CHD9: variants seen among roughly 807,000 people sequenced by gnomAD.
CHD9 encodes the protein ATP-dependent chromatin remodeler CHD9.
CHD9 carries 77 observed loss-of-function variants against 316.1 expected under a neutral mutation model. The observed-to-expected ratio is 0.24, with a 90% CI of 0.20 to 0.29. CHD9 has a LOEUF of 0.29. Among genes scored for constraint, CHD9 ranks in the 10% least tolerant of loss-of-function variants. CHD9 has a pLI of 1.00. For synonymous variants in CHD9, 1,129 were observed against 1,158.3 expected (o/e 0.97, Z 0.51); for missense variants, 2,763 against 3,438.1 (o/e 0.80, Z 4.91).
intron 1 of CHD9, among the ~76,000 whole-genome samples, chr16:53,084,896 C>T (rs1172792269): frequency 6.6e-6 from 1 of 152,222 alleles, no homozygotes; most frequent in African/African-American, 2.4e-5. Context: ...TGTCCACACC[C>T]TCTACCATAC....
chr16:53,151,629 C>T (rs1020301906), intron 1 of CHD9, among the ~76,000 whole-genome samples: 6 of 152,120 alleles, frequency 3.9e-5, no homozygotes, highest in African/African-American at 1.2e-4. Flanking sequence ...TTCAAGTCTT[C>T]AAGTTTGCTG....
intron 24 of CHD9, among the ~76,000 whole-genome samples, chr16:53,282,076 C>A (rs919877950): frequency 1.3e-5 from 2 of 152,134 alleles, no homozygotes. Context: ...CTGACTGGAT[C>A]TGATCCACTT....
intron 19 of CHD9, among the ~76,000 whole-genome samples, chr16:53,260,387 G>A (rs1411886071): frequency 6.6e-6 from 1 of 152,168 alleles, no homozygotes; most frequent in East Asian, 1.9e-4. Flanking sequence ...GCTGAGGCAG[G>A]AGGATTGTTT....
chr16:53,315,126 C>A, intron 36 of CHD9, 82 bp downstream of exon 36: 1 of 984,196 alleles, frequency 1.0e-6, no homozygotes. Flanking sequence ...AATTCTCATC[C>A]ACTTATGCTA....
At chr16:53,161,339 G>A (rs1304424984) in intron 2 of CHD9, among the ~76,000 whole-genome samples, 2 of 152,134 alleles carry the variant, frequency 1.3e-5, no homozygotes, top group African/African-American at 4.8e-5. Context: ...ACAGAGCATA[G>A]ACTTTTTTAC....
chr16:53,073,603 G>A (rs547821094), intron 1 of CHD9, among the ~76,000 whole-genome samples: 23 of 152,266 alleles, frequency 1.5e-4, no homozygotes, highest in African/African-American at 5.1e-4. Context: ...TGGTGGGAGC[G>A]GCCCAGTTGG....
At chr16:53,312,250 A>G (rs1178025239) in intron 34 of CHD9, among the ~76,000 whole-genome samples, 1 of 152,228 alleles carries the variant, frequency 6.6e-6, no homozygotes, top group Admixed American at 6.5e-5. Context: ...GTAGGACACT[A>G]TCTCTTCCTT....
At chr16:53,242,706 G>T in intron 12 of CHD9, 134 bp from the exon 13 acceptor site, 1 of 710,692 alleles carries the variant, frequency 1.4e-6, no homozygotes, top group Admixed American at 2.6e-5. Flanking sequence ...AGTTTTCATT[G>T]TAAGGGAGTG....
intron 22 of CHD9, among the ~76,000 whole-genome samples, chr16:53,272,391 G>A (rs2052360620): frequency 6.6e-6 from 1 of 151,808 alleles, no homozygotes; most frequent in South Asian, 2.1e-4. Context: ...AGGAAAAATG[G>A]ACAAACCCAT....
rs1031072201 is a variant in CHD9 at position 53,156,134 on chromosome 16, T to G, written c.45T>G (p.Phe15Leu). Residue 15 changes from phenylalanine (F) to leucine (L), a missense_variant, in exon 2 of 39, where the codon TTT becomes TTG. This residue lies in a region of CHD9 where 859 missense variants were observed against 890.4 expected (regional missense o/e 0.96). Transcript: ENST00000447540. ...MMDFFDDANL[F>L]GETLEGLSDD... ...ACTTTTTTGATGATGCCAATCTTTT[T>G]GGTGAGACCTTAGAAGGTTTGTCAG... The G allele has an allele frequency of 6.2e-7, 1 of 1,613,668 alleles. No individual in the cohort carries two copies. The highest frequency in any genetic ancestry group is 8.5e-7 in the Non-Finnish European group (1 of 1,179,780).
intron 1 of CHD9, among the ~76,000 whole-genome samples, chr16:53,075,371 C>T (rs1246178404): frequency 6.6e-6 from 1 of 151,972 alleles, no homozygotes; most frequent in East Asian, 1.9e-4. Context: ...CTTTGGGGGA[C>T]TATTGGGAAG....
At chr16:53,178,154 T>G (rs1259845294) in intron 2 of CHD9, among the ~76,000 whole-genome samples, 1 of 152,152 alleles carries the variant, frequency 6.6e-6, no homozygotes, top group African/African-American at 2.4e-5. Context: ...TGATATATCC[T>G]TTTGACCCCA....
At chr16:53,235,660 T>A (rs571852595) in intron 11 of CHD9, among the ~76,000 whole-genome samples, 1 of 152,270 alleles carries the variant, frequency 6.6e-6, no homozygotes, top group East Asian at 1.9e-4. Flanking sequence ...ATGAGCAAGG[T>A]ATACTTATAG....
intron 4 of CHD9, among the ~76,000 whole-genome samples, chr16:53,223,740 T>C (rs1407833697): frequency 1.3e-5 from 2 of 152,150 alleles, no homozygotes; most frequent in Non-Finnish European, 2.9e-5. Context: ...TTAGGTTGTT[T>C]TGACAGGTGT....
At chr16:53,291,091 A>G (rs2054293734) in intron 27 of CHD9, among the ~76,000 whole-genome samples, 1 of 152,200 alleles carries the variant, frequency 6.6e-6, no homozygotes. Context: ...GAAATTGAAG[A>G]TACACCAAAC....
intron 19 of CHD9, among the ~76,000 whole-genome samples, chr16:53,261,310 C>G (rs34505016): frequency 1.4e-5 from 2 of 143,416 alleles, no homozygotes; most frequent in African/African-American, 5.2e-5. Flanking sequence ...TGAACAGAAT[C>G]TGAAGTTCAG....
chr16:53,171,795 T>A (rs1224904836), intron 2 of CHD9, among the ~76,000 whole-genome samples: 1 of 148,702 alleles, frequency 6.7e-6, no homozygotes, highest in East Asian at 2.0e-4. Context: ...GGGTTGCAGG[T>A]GACAGAGGGA....
At chr16:53,184,349 G>A (rs2043804452) in intron 2 of CHD9, among the ~76,000 whole-genome samples, 2 of 151,958 alleles carry the variant, frequency 1.3e-5, no homozygotes, top group Non-Finnish European at 2.9e-5. Flanking sequence ...TGTTGTTACG[G>A]TTTTTGAAAC....
chr16:53,108,931 C>A (rs1331198036), intron 1 of CHD9, among the ~76,000 whole-genome samples: 2 of 151,738 alleles, frequency 1.3e-5, no homozygotes, highest in South Asian at 2.1e-4. Flanking sequence ...AGTAATGAAA[C>A]CTCTGTGTGA....
Sources: allele counts gnomAD v4.1 joint callset (sites outside exome capture counted in the v4.1 genomes callset), GRCh38; gene constraint gnomAD v4.1.1; regional missense constraint gnomAD v4.1.1; transcripts MANE v1.5; gene names NCBI Gene and HGNC (gene_info 2026-07-23, HGNC 2026-07-21).